DNAAF11: variants seen among roughly 807,000 people sequenced by gnomAD.
The protein encoded by DNAAF11 is leucine rich repeat containing 6.
DNAAF11 carries 45 observed loss-of-function variants against 60.8 expected under a neutral mutation model. The ratio of observed to expected loss-of-function variants is 0.74; its 90% CI spans 0.58 to 0.95. DNAAF11 has a LOEUF of 0.95. DNAAF11 is among the 40% of genes least tolerant of loss of function. The pLI is 0.00. For synonymous variants in DNAAF11, 191 were observed against 183.5 expected (o/e 1.04, Z -0.33); for missense variants, 546 against 546.2 (o/e 1.00, Z 0.00).
chr8:132,603,011 C>T (rs1817785489), intron 10 of DNAAF11, among the ~76,000 whole-genome samples: 1 of 151,952 alleles, frequency 6.6e-6, no homozygotes, highest in Admixed American at 6.6e-5. Context: ...AGAATCACAC[C>T]CCAAAGTGAG....
intron 7 of DNAAF11, among the ~76,000 whole-genome samples, chr8:132,616,191 G>C (rs1819131724): frequency 6.6e-6 from 1 of 152,098 alleles, no homozygotes; most frequent in Admixed American, 6.6e-5. Context: ...TAGGGGCATG[G>C]CTATGTACAA....
intron 6 of DNAAF11, among the ~76,000 whole-genome samples, chr8:132,624,709 T>A (rs924757397): frequency 1.1e-4 from 17 of 152,236 alleles, no homozygotes; most frequent in African/African-American, 4.1e-4. Context: ...AGCAATGACA[T>A]GAAATGGAAT....
In DNAAF11 at chr8:132,674,112, C is replaced by CAGGAGGAGGAGGAGG. The variant is rs1289910379; in HGVS notation, c.10+1357_10+1371dup. 4.2e-3 allele frequency among the ~76,000 whole-genome samples: 196 copies of CAGGAGGAGGAGGAGG among 46,650 alleles called. 10 individuals carry two copies. Among genetic ancestry groups the CAGGAGGAGGAGGAGG allele is most frequent in the Admixed American group, 0.011 (47 of 4,452 alleles). 30.6% of individuals were successfully genotyped at this position (46,650 alleles called of 152,430 possible). A position where few individuals can be genotyped will look rare whatever the true frequency, so the allele number is the denominator to read the frequency against. ...GGAGGAGGAGCAGGAGGAGGAGGAG[C>CAGGAGGAGGAGGAGG]AGGAGGAGGAGGAGGAGGAGGAGAA... On this transcript the variant is annotated intron_variant, in intron 1 of 11. Transcript: ENST00000620350.
At chr8:132,699,638 T>A in the DNAAF11 span, among the ~76,000 whole-genome samples, 3 of 152,226 alleles carry the variant, frequency 2.0e-5, no homozygotes, top group Admixed American at 2.0e-4. Flanking sequence ...TCACTCTTTT[T>A]TTTTCAAGAG....
At chr8:132,602,304 G>C (rs1410917994) in intron 10 of DNAAF11, among the ~76,000 whole-genome samples, 1 of 152,016 alleles carries the variant, frequency 6.6e-6, no homozygotes, top group African/African-American at 2.4e-5. Context: ...CCCCACAACA[G>C]GGAGCAGCCA....
intron 3 of DNAAF11, among the ~76,000 whole-genome samples, chr8:132,648,915 C>T (rs1012494303): frequency 5.9e-5 from 9 of 152,150 alleles, no homozygotes; most frequent in African/African-American, 2.2e-4. Context: ...GAGTCGATAT[C>T]GTGAAAATGG....
chr8:132,592,363 T>C (rs890990277), intron 10 of DNAAF11, among the ~76,000 whole-genome samples: 89 of 152,208 alleles, frequency 5.8e-4, no homozygotes, highest in African/African-American at 2.0e-3. Flanking sequence ...GAATATCCAA[T>C]TGAAAGGAGG....
intron 5 of DNAAF11, among the ~76,000 whole-genome samples, chr8:132,628,182 G>T (rs1229222821): frequency 6.6e-6 from 1 of 152,138 alleles, no homozygotes; most frequent in Non-Finnish European, 1.5e-5. Flanking sequence ...GGGAGGCCGA[G>T]GTGGGCAAAT....
At chr8:132,596,430 A>AC (rs2131123762) in intron 10 of DNAAF11, among the ~76,000 whole-genome samples, 1 of 152,306 alleles carries the variant, frequency 6.6e-6, no homozygotes, top group South Asian at 2.1e-4. Flanking sequence ...GATCATCCAC[A>AC]CATTGCAGTC....
chr8:132,696,194 TCAA>T, the DNAAF11 span, among the ~76,000 whole-genome samples: 3 of 152,018 alleles, frequency 2.0e-5, no homozygotes, highest in South Asian at 6.2e-4. Flanking sequence ...GAAAAGATAA[TCAA>T]CATCATTATC....
chr8:132,634,624 A>G (rs1047678834), intron 4 of DNAAF11, among the ~76,000 whole-genome samples: 3 of 151,440 alleles, frequency 2.0e-5, no homozygotes, highest in Admixed American at 1.3e-4. Flanking sequence ...CTTATTTTGT[A>G]AGTATATATA....
At chr8:132,626,481 C>T (rs940499665) in intron 5 of DNAAF11, among the ~76,000 whole-genome samples, 5 of 152,152 alleles carry the variant, frequency 3.3e-5, no homozygotes, top group Non-Finnish European at 7.3e-5. Flanking sequence ...AATTAAACAA[C>T]GTCTCTGTAT....
chr8:132,695,160 A>G, the DNAAF11 span, among the ~76,000 whole-genome samples: 1 of 152,192 alleles, frequency 6.6e-6, no homozygotes, highest in Non-Finnish European at 1.5e-5. Flanking sequence ...TTTGAGAAAG[A>G]CTTGAAAGAG....
chr8:132,579,250 C>T (rs1311763474), intron 11 of DNAAF11, among the ~76,000 whole-genome samples: 1 of 152,152 alleles, frequency 6.6e-6, no homozygotes, highest in Non-Finnish European at 1.5e-5. Context: ...TCCCTGTGCA[C>T]TGGTTACCAA....
chr8:132,645,922 T>C (rs1407020256), intron 3 of DNAAF11, among the ~76,000 whole-genome samples: 2 of 152,194 alleles, frequency 1.3e-5, no homozygotes, highest in African/African-American at 2.4e-5. Context: ...TTCAGGATAT[T>C]ATCCAGGAGA....
At chr8:132,597,850 G>C (rs1370269284) in intron 10 of DNAAF11, among the ~76,000 whole-genome samples, 2 of 152,058 alleles carry the variant, frequency 1.3e-5, no homozygotes, top group African/African-American at 2.4e-5. Flanking sequence ...TTTCTTAGTG[G>C]GGTTGGGGGG....
At position 132,613,210 on chromosome 8, in the gene DNAAF11, T is replaced by C. The variant is rs138696699; in HGVS notation, c.974+1828A>G. 7.9e-4 allele frequency among the ~76,000 whole-genome samples: 121 copies of C among 152,238 alleles called. 2 individuals carry two copies. In the East Asian group the frequency reaches 0.022, roughly 28 times the overall value. On this transcript the variant is annotated intron_variant, in intron 8 of 11. Coordinates refer to ENST00000620350, the MANE Select transcript of DNAAF11 (RefSeq NM_012472.6). Reference sequence around the variant, plus strand: ...AGGCACACAGCTGATCTGAGACAGCTTGGTGTGGAGAGGAAGGGACCACAC... The same window carrying C: ...AGGCACACAGCTGATCTGAGACAGCCTGGTGTGGAGAGGAAGGGACCACAC...
chr8:132,581,137 A>G (rs1473234735), intron 11 of DNAAF11, among the ~76,000 whole-genome samples: 1 of 152,190 alleles, frequency 6.6e-6, no homozygotes, highest in Non-Finnish European at 1.5e-5. Flanking sequence ...AACAAACTTA[A>G]TTCCTGATGG....
the DNAAF11 span, among the ~76,000 whole-genome samples, chr8:132,702,564 C>T: frequency 1.9e-5 from 1 of 51,658 alleles, no homozygotes; most frequent in African/African-American, 4.9e-4. Flanking sequence ...ACTGTCACCA[C>T]TACTATTATT....
Sources: allele counts gnomAD v4.1 joint callset (sites outside exome capture counted in the v4.1 genomes callset), GRCh38; gene constraint gnomAD v4.1.1; transcripts MANE v1.5; gene names NCBI Gene and HGNC (gene_info 2026-07-23, HGNC 2026-07-21).